Variants in KLC1 observed in about 807,000 individuals in gnomAD.
The protein encoded by KLC1 is kinesin 2 60/70kDa.
In KLC1, 30 loss-of-function variants were observed where a neutral mutation model predicts 84.2. The observed-to-expected ratio is 0.36, with a 90% CI of 0.27 to 0.48. The LOEUF is 0.48. Ranked by LOEUF, KLC1 falls within the 20% of genes least tolerant of loss-of-function variation. The pLI is 0.99. For synonymous variants in KLC1, 289 were observed against 293.3 expected (o/e 0.99, Z 0.15); for missense variants, 499 against 805.4 (o/e 0.62, Z 4.60).
At chr14:103,654,909 G>C in intron 2 of KLC1, 84 bp downstream of exon 2, 1 of 1,418,216 alleles carries the variant, frequency 7.1e-7, no homozygotes, top group South Asian at 1.3e-5. Flanking sequence ...TTTCACTAAA[G>C]AAGAGGAAAG....
chr14:103,689,439 G>A (rs1381573389), intron 14 of KLC1, among the ~76,000 whole-genome samples: 2 of 152,174 alleles, frequency 1.3e-5, no homozygotes, highest in African/African-American at 4.8e-5. Context: ...ACACTTGCAC[G>A]GACTAACGTT....
rs751969773 is a variant in KLC1 at position 103,694,724 on chromosome 14, A to T, written c.1848+2299A>T. 1.8e-4 allele frequency: 177 copies of T among 985,434 alleles called. No individual in the cohort carries two copies. Among genetic ancestry groups the T allele is most frequent in the Non-Finnish European group, 2.0e-4 (170 of 829,928 alleles). 61.0% of individuals were successfully genotyped at this position (985,434 alleles called of 1,614,324 possible). A position where few individuals can be genotyped will look rare whatever the true frequency, so the allele number is the denominator to read the frequency against. On this transcript the variant is annotated intron_variant, in intron 15 of 16. Coordinates refer to ENST00000334553, the MANE Select transcript of KLC1 (RefSeq NM_001394837.1). The surrounding 1 kb of genome is among the most constrained non-coding windows in gnomAD (Gnocchi z 4.5). ...CGTGAAAGCTCAGCTTGCCACTGTC[A>T]TGTAACAGGGTGGGTGGTGGCACAG...
intron 1 of KLC1, among the ~76,000 whole-genome samples, chr14:103,640,936 T>G: frequency 6.6e-6 from 1 of 151,986 alleles, no homozygotes; most frequent in Non-Finnish European, 1.5e-5. Context: ...TATTATTTTT[T>G]TTTTCTTTTG....
chr14:103,635,774 A>G (rs1201357501), intron 1 of KLC1, among the ~76,000 whole-genome samples: 1 of 151,774 alleles, frequency 6.6e-6, no homozygotes, highest in Non-Finnish European at 1.5e-5. Flanking sequence ...AAAAAAAGTA[A>G]AATAGGTACT....
intron 13 of KLC1, among the ~76,000 whole-genome samples, chr14:103,682,097 G>A (rs1043572350): frequency 2.0e-5 from 3 of 152,024 alleles, no homozygotes; most frequent in Admixed American, 1.3e-4. Flanking sequence ...CTTGCCGGGC[G>A]CGGTGGCTCA....
intron 15 of KLC1, chr14:103,700,312 A>AC (rs764973490): frequency 2.0e-4 from 52 of 263,626 alleles, no homozygotes; most frequent in Admixed American, 7.0e-4. Context: ...CCAGGGGAGG[A>AC]CCCCCCCAGT....
At chr14:103,688,636 G>A (rs959105845) in intron 14 of KLC1, among the ~76,000 whole-genome samples, 1 of 152,108 alleles carries the variant, frequency 6.6e-6, no homozygotes, top group African/African-American at 2.4e-5. Flanking sequence ...CCCTGTGGGA[G>A]TCTCTGTCGT....
chr14:103,697,020 G>C (rs1293047364), intron 15 of KLC1: 2 of 985,330 alleles, frequency 2.0e-6, no homozygotes, highest in Admixed American at 6.1e-5. Flanking sequence ...GCTTCCAGGC[G>C]TGTTTTCTCT....
At chr14:103,674,844 A>C (rs911702079) in intron 9 of KLC1, among the ~76,000 whole-genome samples, 2 of 152,142 alleles carry the variant, frequency 1.3e-5, no homozygotes, top group Admixed American at 6.5e-5. Context: ...GGCATTTTAG[A>C]AATTACATTC....
chr14:103,637,304 G>T (rs150360120), intron 1 of KLC1, among the ~76,000 whole-genome samples: 1 of 151,892 alleles, frequency 6.6e-6, no homozygotes, highest in Admixed American at 6.6e-5. Context: ...GGCCGAGGCG[G>T]GTGGATCATG....
At position 103,662,186 on chromosome 14, in the gene KLC1, G is replaced by T. The variant is rs2079349417; in HGVS notation, c.563G>T (p.Gly188Val). ...TTCCCCAATGATGAAGACGACCCAG[G>T]GCAAGGAAGTGAGTGATGGGTGATG... ...DLFPNDEDDP[G>V]QGIQQQHSSA... The change falls in exon 4 of 17, where the codon GGG becomes GTG. Residue 188 changes from glycine to valine, a missense_variant. Around this residue, in one of 3 missense-constraint regions of KLC1, gnomAD observed 179 missense variants for 264.2 expected, o/e 0.68. Coordinates refer to ENST00000334553, the MANE Select transcript of KLC1 (RefSeq NM_001394837.1). 6.2e-7 allele frequency: 1 copy of T among 1,612,308 alleles called. No homozygotes were observed.
rs1268188178 is a variant in KLC1 at position 103,681,489 on chromosome 14, T to G, written c.1650+1944T>G. ...CTTTTTCCCCCCCGAGACAAGAATC[T>G]TGCTCTCTCGCCCAGGCTGGAGTGC... On this transcript the variant is annotated intron_variant, in intron 13 of 16. Transcript: ENST00000334553. 2.6e-5 allele frequency among the ~76,000 whole-genome samples: 4 copies of G among 152,138 alleles called. No individual in the cohort carries two copies. In the East Asian group the frequency reaches 7.7e-4, roughly 29 times the overall value.
chr14:103,679,565 G>T lies in KLC1; in HGVS notation c.1650+20G>T. 1 of 1,589,748 alleles carries T rather than the reference G, an allele frequency of 6.3e-7. No homozygotes were observed. Among genetic ancestry groups the T allele is most frequent in the Non-Finnish European group, 8.6e-7 (1 of 1,160,260 alleles). ...AACGGGGTAAGTACAGTACACAGCGGGCACGTGCTCCGGGAGGCGCCCCCA... is the reference window on the plus strand; with the variant it reads ...AACGGGGTAAGTACAGTACACAGCGTGCACGTGCTCCGGGAGGCGCCCCCA... On this transcript the variant is annotated intron_variant, in intron 13 of 16. Transcript: ENST00000334553.
Position 103,694,896 on chromosome 14 carries a change from G to C in KLC1, c.1848+2471G>C, listed in dbSNP as rs2082333297. The C allele has an allele frequency of 2.4e-5, 24 of 985,468 alleles. No homozygotes were observed. The highest frequency in any genetic ancestry group is 2.8e-5 in the Non-Finnish European group (23 of 829,928). The allele number at this position is 985,468 out of a possible 1,614,324, so 61.0% of individuals were successfully genotyped here. On this transcript the variant is annotated intron_variant, in intron 15 of 16. Transcript: ENST00000334553. This position sits in a 1 kb window ranked among gnomAD's most constrained non-coding sequence, Gnocchi z 4.5. The stretch of plus-strand genomic sequence containing the variant: ...TCCCGCCTCATGTCGCAGGACTGCT[G>C]TGTTTGTGAAAGCGCGTTTGTTTCC...
chr14:103,698,862 GA>G (rs1323132925), intron 15 of KLC1: 4 of 1,607,622 alleles, frequency 2.5e-6, no homozygotes, highest in South Asian at 2.2e-5. Context: ...GGAACAGGAG[GA>G]GGGGGGCAGG....
chr14:103,671,089 G>GTCAATAA (rs2080347334), intron 7 of KLC1, among the ~76,000 whole-genome samples: 1 of 151,954 alleles, frequency 6.6e-6, no homozygotes, highest in South Asian at 2.1e-4. Flanking sequence ...ATTTGACAGT[G>GTCAATAA]GAACATGTGC....
At position 103,693,879 on chromosome 14, in the gene KLC1, G is replaced by A. The variant is rs538792011; in HGVS notation, c.1848+1454G>A. 27 of 1,342,274 alleles carry A rather than the reference G, an allele frequency of 2.0e-5. No homozygotes were observed. Among genetic ancestry groups the A allele is most frequent in the East Asian group, 2.9e-5 (1 of 33,930 alleles). The allele number at this position is 1,342,274 out of a possible 1,614,324, so 83.1% of individuals were successfully genotyped here. A position where few individuals can be genotyped will look rare whatever the true frequency, so the allele number is the denominator to read the frequency against. On this transcript the variant is annotated intron_variant, in intron 15 of 16. Coordinates refer to ENST00000334553, the MANE Select transcript of KLC1 (RefSeq NM_001394837.1). This position sits in a 1 kb window ranked among gnomAD's most constrained non-coding sequence, Gnocchi z 5.1. The stretch of plus-strand genomic sequence containing the variant: ...GCTGGCTCAGGGAGGCCGAGGTGGC[G>A]CTGAGGTGGCTTCAGCACGCTGGGG...
chr14:103,657,113 C>T (rs58141830), intron 2 of KLC1, among the ~76,000 whole-genome samples: 8,081 of 152,232 alleles, frequency 0.053, 242 homozygotes, highest in South Asian at 0.092. Context: ...GTGCACTGTT[C>T]TCTGACCCCC....
chr14:103,669,681 C>A, intron 6 of KLC1, 83 bp downstream of exon 6: 1 of 977,578 alleles, frequency 1.0e-6, no homozygotes, highest in Non-Finnish European at 1.6e-6. Context: ...TACCATTAAA[C>A]TCAACAGGGA....
Sources: gnomAD v4.1 joint callset for allele counts (sites outside exome capture counted in the v4.1 genomes callset) on GRCh38, gnomAD v4.1.1 for gene constraint, gnomAD v4.1.1 regional missense constraint, Gnocchi (gnomAD v3.1) non-coding constraint, MANE v1.5 for transcripts, NCBI Gene and HGNC (gene_info 2026-07-23, HGNC 2026-07-21) for gene names.